Variants in CCDC171 observed in about 807,000 individuals in gnomAD.
CCDC171 encodes coiled-coil domain containing 171.
Under a neutral mutation model 168.2 loss-of-function variants are expected in CCDC171, and 177 were observed. The observed-to-expected ratio is 1.05, with a 90% CI of 0.93 to 1.19. The LOEUF (loss-of-function observed/expected upper bound fraction) is 1.19. Among genes scored for constraint, CCDC171 ranks in the 50% most tolerant of loss-of-function variants. The pLI, the probability that CCDC171 is intolerant of heterozygous loss-of-function variation, is 0.00. For synonymous variants in CCDC171, 687 were observed against 540.8 expected (o/e 1.27, Z -3.75); for missense variants, 1,991 against 1,539.0 (o/e 1.29, Z -4.91).
intron 25 of CCDC171, among the ~76,000 whole-genome samples, chr9:15,958,468 T>C (rs1235056364): frequency 6.7e-6 from 1 of 150,200 alleles, no homozygotes; most frequent in Admixed American, 6.7e-5. Flanking sequence ...TGTGATACTG[T>C]GCTATTATAA....
At chr9:15,606,757 C>G (rs1174780354) in intron 6 of CCDC171, among the ~76,000 whole-genome samples, 1 of 152,126 alleles carries the variant, frequency 6.6e-6, no homozygotes, top group Non-Finnish European at 1.5e-5. Context: ...AGTTTATTTT[C>G]TAACAGCCAA....
chr9:16,082,802 T>C, the CCDC171 span, among the ~76,000 whole-genome samples: 1 of 152,228 alleles, frequency 6.6e-6, no homozygotes, highest in African/African-American at 2.4e-5. Flanking sequence ...ATTTATGCTT[T>C]GGGATTCCAT....
chr9:15,950,307 C>T (rs1335254160), intron 25 of CCDC171, among the ~76,000 whole-genome samples: 1 of 151,982 alleles, frequency 6.6e-6, no homozygotes, highest in Non-Finnish European at 1.5e-5. Flanking sequence ...AGAGCAACTC[C>T]AAGACACATA....
chr9:15,739,791 G>A (rs2054733501), intron 16 of CCDC171, among the ~76,000 whole-genome samples: 2 of 151,084 alleles, frequency 1.3e-5, no homozygotes, highest in South Asian at 4.2e-4. Flanking sequence ...AAGCTGGAGT[G>A]CAGTGGCACG....
intron 25 of CCDC171, among the ~76,000 whole-genome samples, chr9:15,942,945 T>G (rs766594540): frequency 2.6e-5 from 4 of 151,958 alleles, no homozygotes; most frequent in Non-Finnish European, 5.9e-5. Flanking sequence ...GGTAAGAATG[T>G]CAGCCCACCT....
At chr9:15,930,421 C>G (rs551811267) in intron 25 of CCDC171, among the ~76,000 whole-genome samples, 1 of 151,094 alleles carries the variant, frequency 6.6e-6, no homozygotes, top group South Asian at 2.1e-4. Context: ...AAAGACAACA[C>G]AGAATTATTT....
chr9:16,045,635 G>A (rs993385279), intron 1 of CCDC171, among the ~76,000 whole-genome samples: 1 of 152,184 alleles, frequency 6.6e-6, no homozygotes, highest in Non-Finnish European at 1.5e-5. Flanking sequence ...AAAGGCCATG[G>A]TGAGCCCTGG....
At chr9:15,777,561 A>G (rs754792211) in intron 18 of CCDC171, 39 bp from the exon 19 acceptor site, 2 of 1,244,870 alleles carry the variant, frequency 1.6e-6, no homozygotes, top group Non-Finnish European at 2.3e-6. Flanking sequence ...CACAAGAGAC[A>G]ATTCACATTT....
intron 3 of CCDC171, among the ~76,000 whole-genome samples, chr9:16,003,429 T>C (rs181754136): frequency 6.6e-6 from 1 of 152,130 alleles, no homozygotes; most frequent in East Asian, 1.9e-4. Context: ...ACTAAATTGA[T>C]TGGAGAAGTT....
At chr9:15,628,711 T>C (rs371486894) in intron 7 of CCDC171, among the ~76,000 whole-genome samples, 2 of 152,306 alleles carry the variant, frequency 1.3e-5, no homozygotes, top group African/African-American at 2.4e-5. Context: ...GATCTGAGAA[T>C]GGGCAGACTG....
chr9:16,084,564 G>A, the CCDC171 span, among the ~76,000 whole-genome samples: 1 of 152,156 alleles, frequency 6.6e-6, no homozygotes, highest in African/African-American at 2.4e-5. Context: ...GCCAATTAGA[G>A]AGCTAGAAAG....
At chr9:15,905,159 G>T (rs1390340462) in intron 24 of CCDC171, among the ~76,000 whole-genome samples, 1 of 145,216 alleles carries the variant, frequency 6.9e-6, no homozygotes, top group Non-Finnish European at 1.5e-5. Flanking sequence ...ACTCAGCTCT[G>T]CACCAAGCAG....
intron 16 of CCDC171, among the ~76,000 whole-genome samples, chr9:15,733,124 A>G (rs1001385555): frequency 2.8e-4 from 42 of 152,030 alleles, no homozygotes; most frequent in African/African-American, 9.9e-4. Context: ...TTGGTGAGTT[A>G]TCTGTTCAGA....
At chr9:15,924,440 C>CAAAAA (rs34003715) in intron 25 of CCDC171, among the ~76,000 whole-genome samples, 1 of 140,438 alleles carries the variant, frequency 7.1e-6, no homozygotes. Flanking sequence ...CACACTTAGT[C>CAAAAA]AAAAAAAAAA....
rs895373493 is a variant in CCDC171 at position 15,563,985 on chromosome 9, A to G, written c.-104A>G. 2.4e-6 allele frequency: 2 copies of G among 820,112 alleles called. No individual in the cohort carries two copies. Among genetic ancestry groups the G allele is most frequent in the South Asian group, 1.5e-5 (1 of 66,146 alleles). 50.8% of individuals were successfully genotyped at this position (820,112 alleles called of 1,614,324 possible). A position where few individuals can be genotyped will look rare whatever the true frequency, so the allele number is the denominator to read the frequency against. ...CATTTACTATTTTAACAGACCTCAA[A>G]TCATCTAACGTGAAGCCACAGACAT... is the stretch of plus-strand genomic sequence containing the variant. On this transcript the variant is annotated 5_prime_UTR_variant, in exon 2 of 26. Transcript: ENST00000380701.
At chr9:16,107,668 A>G in the CCDC171 span, among the ~76,000 whole-genome samples, 2 of 152,158 alleles carry the variant, frequency 1.3e-5, no homozygotes, top group Admixed American at 1.3e-4. Flanking sequence ...ACTATTTGAG[A>G]GTAAGTTGCA....
chr9:16,095,086 G>A, the CCDC171 span, among the ~76,000 whole-genome samples: 9 of 152,256 alleles, frequency 5.9e-5, no homozygotes, highest in African/African-American at 2.2e-4. Flanking sequence ...CATGCTTCCT[G>A]TACAGCCTGC....
intron 1 of CCDC171, among the ~76,000 whole-genome samples, chr9:15,563,540 T>C (rs1009873119): frequency 2.0e-5 from 3 of 152,202 alleles, no homozygotes; most frequent in Non-Finnish European, 4.4e-5. Context: ...AAAATACCAA[T>C]TACAGTGCTT....
chr9:16,067,555 A>G, the CCDC171 span, among the ~76,000 whole-genome samples: 6 of 152,230 alleles, frequency 3.9e-5, no homozygotes, highest in South Asian at 4.2e-4. Context: ...TGTCCTGAAT[A>G]GTAATGCCTA....
Sources: allele counts gnomAD v4.1 joint callset (sites outside exome capture counted in the v4.1 genomes callset), GRCh38; gene constraint gnomAD v4.1.1; transcripts MANE v1.5; gene names NCBI Gene and HGNC (gene_info 2026-07-23, HGNC 2026-07-21).